The following SNTG1 variants were observed in gnomAD, a reference collection of about 807,000 sequenced individuals.
SNTG1 encodes syntrophin gamma 1.
A neutral mutation model predicts 74.7 loss-of-function variants in SNTG1; 39 were observed. The observed-to-expected ratio is 0.52, with a 90% CI of 0.40 to 0.68. SNTG1 has a LOEUF of 0.68. Ranked by LOEUF, SNTG1 falls within the 30% of genes least tolerant of loss-of-function variation. The pLI is 0.00. For synonymous variants in SNTG1, 254 were observed against 217.1 expected (o/e 1.17, Z -1.49); for missense variants, 685 against 609.5 (o/e 1.12, Z -1.30).
At chr8:50,053,304 T>G (rs1819735808) in intron 1 of SNTG1, among the ~76,000 whole-genome samples, 1 of 152,170 alleles carries the variant, frequency 6.6e-6, no homozygotes, top group South Asian at 2.1e-4. Context: ...ATTGAAAACA[T>G]GAAAACATTA....
intron 2 of SNTG1, among the ~76,000 whole-genome samples, chr8:50,277,649 G>A (rs1350846894): frequency 6.6e-6 from 1 of 152,106 alleles, no homozygotes; most frequent in Non-Finnish European, 1.5e-5. Flanking sequence ...GTGCAGAGGT[G>A]TAGGTATTCT....
chr8:50,219,145 C>G (rs537577804), intron 2 of SNTG1, among the ~76,000 whole-genome samples: 1 of 152,176 alleles, frequency 6.6e-6, no homozygotes, highest in Non-Finnish European at 1.5e-5. Flanking sequence ...AGGAAAACAG[C>G]TTTAATAAAG....
At chr8:50,187,585 C>T (rs1482317034) in intron 2 of SNTG1, among the ~76,000 whole-genome samples, 1 of 152,044 alleles carries the variant, frequency 6.6e-6, no homozygotes, top group African/African-American at 2.4e-5. Context: ...AAAAAATAAG[C>T]AATATCAAAC....
chr8:50,783,556 C>T (rs1166813702), intron 18 of SNTG1, among the ~76,000 whole-genome samples: 3 of 152,204 alleles, frequency 2.0e-5, no homozygotes, highest in Non-Finnish European at 4.4e-5. Context: ...GGGAAAAGCA[C>T]AGTATTCGGG....
intron 2 of SNTG1, among the ~76,000 whole-genome samples, chr8:50,350,102 G>A (rs930339571): frequency 2.0e-5 from 3 of 152,166 alleles, no homozygotes; most frequent in East Asian, 3.9e-4. Flanking sequence ...CAGCAGCGCC[G>A]GCTCACGGGC....
intron 2 of SNTG1, among the ~76,000 whole-genome samples, chr8:50,254,587 C>T (rs924416771): frequency 2.0e-5 from 3 of 152,108 alleles, no homozygotes; most frequent in Admixed American, 6.5e-5. Context: ...GTGACTCACA[C>T]GTGAATCCCA....
chr8:50,417,980 C>G (rs1007572979), intron 4 of SNTG1, among the ~76,000 whole-genome samples: 3 of 152,052 alleles, frequency 2.0e-5, no homozygotes, highest in Admixed American at 1.3e-4. Context: ...TCATCAAATG[C>G]TCATTTTCCA....
At chr8:50,742,003 G>A (rs907050618) in intron 17 of SNTG1, among the ~76,000 whole-genome samples, 45 of 151,956 alleles carry the variant, frequency 3.0e-4, no homozygotes, top group African/African-American at 8.7e-4. Context: ...GAACCCAAAT[G>A]TAAACTTAGG....
intron 13 of SNTG1, among the ~76,000 whole-genome samples, chr8:50,595,630 T>C (rs932007467): frequency 3.3e-5 from 5 of 152,068 alleles, no homozygotes; most frequent in Admixed American, 2.0e-4. Flanking sequence ...TTTCTAAATA[T>C]ATAGATTTTC....
chr8:50,548,607 C>G (rs1367052143), intron 11 of SNTG1, among the ~76,000 whole-genome samples: 2 of 142,124 alleles, frequency 1.4e-5, no homozygotes, highest in African/African-American at 2.9e-5. Flanking sequence ...ATGGCTTTTC[C>G]TTCAAGGAGC....
intron 2 of SNTG1, among the ~76,000 whole-genome samples, chr8:50,231,315 CA>C (rs959152054): frequency 1.3e-5 from 2 of 151,208 alleles, no homozygotes; most frequent in Non-Finnish European, 3.0e-5. Context: ...TTATGGAAAC[CA>C]ATATGGTGGT....
At position 50,449,732 on chromosome 8, in the gene SNTG1, T is replaced by C. The variant is rs1407522057; in HGVS notation, c.277+7T>C. On this transcript the variant is annotated splice_region_variant and intron_variant, in intron 6 of 18. Coordinates refer to ENST00000642720, the MANE Select transcript of SNTG1 (RefSeq NM_018967.5). ...ATCTCCAAGGAACAAAGAGGTAATATGTTTAGAGAATTGTGTACCAGCCAT... is the reference window on the plus strand; with the variant it reads ...ATCTCCAAGGAACAAAGAGGTAATACGTTTAGAGAATTGTGTACCAGCCAT... 7 of 1,579,536 alleles carry C rather than the reference T, an allele frequency of 4.4e-6. No homozygotes were observed. The highest frequency in any genetic ancestry group is 6.0e-6 in the Non-Finnish European group (7 of 1,160,520).
intron 12 of SNTG1, among the ~76,000 whole-genome samples, chr8:50,578,779 T>G (rs1340928823): frequency 6.6e-6 from 1 of 152,202 alleles, no homozygotes; most frequent in Non-Finnish European, 1.5e-5. Context: ...TAATTGTGTT[T>G]CCTGAGGGCC....
chr8:50,667,117 G>A (rs7844401), intron 15 of SNTG1, among the ~76,000 whole-genome samples: 9,007 of 151,810 alleles, frequency 0.059, 873 homozygotes, highest in African/African-American at 0.21. Context: ...AAGGTATAAC[G>A]GAAGATAATA....
At chr8:50,693,451 C>T (rs1009195131) in intron 15 of SNTG1, among the ~76,000 whole-genome samples, 1 of 152,016 alleles carries the variant, frequency 6.6e-6, no homozygotes, top group African/African-American at 2.4e-5. Context: ...TATAAATGCA[C>T]CCAACAGTAG....
At chr8:49,926,574 A>C (rs402168) in intron 1 of SNTG1, among the ~76,000 whole-genome samples, 146,283 of 152,142 alleles carry the variant, frequency 0.96, 70,583 homozygotes, top group East Asian at 1. Flanking sequence ...CCTTAACAGT[A>C]TTGACAAAAA....
chr8:50,369,511 G>T (rs184001067), intron 2 of SNTG1, among the ~76,000 whole-genome samples: 4 of 151,886 alleles, frequency 2.6e-5, no homozygotes, highest in African/African-American at 9.7e-5. Flanking sequence ...CAGGAAAATC[G>T]CTTGAACCCA....
intron 1 of SNTG1, among the ~76,000 whole-genome samples, chr8:50,024,757 G>A (rs954070378): frequency 6.6e-6 from 1 of 152,020 alleles, no homozygotes; most frequent in African/African-American, 2.4e-5. Flanking sequence ...ATATTTTATT[G>A]TACCGTACTC....
intron 13 of SNTG1, among the ~76,000 whole-genome samples, chr8:50,638,578 C>T (rs923479667): frequency 2.6e-5 from 4 of 151,944 alleles, no homozygotes; most frequent in African/African-American, 9.7e-5. Context: ...TATGTCTTAA[C>T]AGAAAATACC....
Sources: gnomAD v4.1 joint callset for allele counts (sites outside exome capture counted in the v4.1 genomes callset) on GRCh38, gnomAD v4.1.1 for gene constraint, MANE v1.5 for transcripts, NCBI Gene and HGNC (gene_info 2026-07-23, HGNC 2026-07-21) for gene names.